ROBO2: variants seen among roughly 807,000 people sequenced by gnomAD.
The protein encoded by ROBO2 is roundabout guidance receptor 2.
A neutral mutation model predicts 160.8 loss-of-function variants in ROBO2; 53 were observed. The observed-to-expected ratio is 0.33, with a 90% CI of 0.26 to 0.41. The LOEUF is 0.41. Among genes scored for constraint, ROBO2 ranks in the 10% least tolerant of loss-of-function variants. ROBO2 has a pLI of 1.00. For synonymous variants in ROBO2, 664 were observed against 611.7 expected, an observed-to-expected ratio of 1.09 and a Z score of -1.26; for missense variants, 1,577 against 1,722.4, an observed-to-expected ratio of 0.92 and a Z score of 1.49.
intron 2 of ROBO2, among the ~76,000 whole-genome samples, chr3:76,390,695 C>T (rs954465197): frequency 1.7e-4 from 26 of 152,242 alleles, no homozygotes; most frequent in African/African-American, 5.8e-4. Flanking sequence ...AGGTCTGTCA[C>T]GGAAGTGTGG....
chr3:76,099,896 G>T (rs947575681), intron 2 of ROBO2, among the ~76,000 whole-genome samples: 3 of 152,126 alleles, frequency 2.0e-5, no homozygotes, highest in Non-Finnish European at 4.4e-5. Flanking sequence ...TTCTCCACTT[G>T]ATATATTGGC....
At chr3:76,622,216 AAGGAAGG>A (rs2089161997) in intron 2 of ROBO2, among the ~76,000 whole-genome samples, 7 of 46,082 alleles carry the variant, frequency 1.5e-4, no homozygotes, top group African/African-American at 4.9e-4. Flanking sequence ...GGAAGGAAGG[AAGGAAGG>A]AAGGAAGGAA....
At chr3:76,213,860 C>A (rs778175020) in intron 2 of ROBO2, among the ~76,000 whole-genome samples, 2 of 151,980 alleles carry the variant, frequency 1.3e-5, no homozygotes, top group Non-Finnish European at 2.9e-5. Context: ...CCTATGCCAC[C>A]TGAATTTATC....
chr3:76,161,926 T>C (rs2072655171), intron 2 of ROBO2, among the ~76,000 whole-genome samples: 2 of 152,170 alleles, frequency 1.3e-5, no homozygotes, highest in South Asian at 2.1e-4. Flanking sequence ...ACCTTTGAAA[T>C]TTTTTAGAAG....
At chr3:77,555,331 C>G (rs1441078083) in intron 8 of ROBO2, among the ~76,000 whole-genome samples, 4 of 151,872 alleles carry the variant, frequency 2.6e-5, no homozygotes, top group Non-Finnish European at 5.9e-5. Context: ...CTGAGATATG[C>G]CTGTATTCCG....
At chr3:75,931,725 G>C (rs994193341) in intron 1 of ROBO2, among the ~76,000 whole-genome samples, 1 of 152,018 alleles carries the variant, frequency 6.6e-6, no homozygotes, top group African/African-American at 2.4e-5. Flanking sequence ...ATATCTGTCT[G>C]ATGTTCCCCC....
intron 2 of ROBO2, among the ~76,000 whole-genome samples, chr3:76,734,218 G>A (rs1288327720): frequency 2.6e-5 from 4 of 152,020 alleles, no homozygotes; most frequent in Non-Finnish European, 5.9e-5. Context: ...CAAGATATAT[G>A]TTAATATTTG....
intron 2 of ROBO2, among the ~76,000 whole-genome samples, chr3:76,173,868 C>T (rs937396586): frequency 1.3e-5 from 2 of 152,008 alleles, no homozygotes; most frequent in Non-Finnish European, 2.9e-5. Context: ...TATTCCTTTG[C>T]GTATATACCC....
chr3:77,136,707 G>T (rs2076305932), intron 2 of ROBO2, among the ~76,000 whole-genome samples: 1 of 151,064 alleles, frequency 6.6e-6, no homozygotes. Flanking sequence ...CATGGTCTTG[G>T]CTCACTGCAA....
At chr3:76,167,107 A>AT (rs1336063621) in intron 2 of ROBO2, among the ~76,000 whole-genome samples, 1 of 151,836 alleles carries the variant, frequency 6.6e-6, no homozygotes, top group Non-Finnish European at 1.5e-5. Context: ...CGCCCGGTTA[A>AT]TTTTTTTATT....
rs367927055 is a variant in ROBO2, at chr3:76,928,984, G to C, written c.110-169030G>C. On this transcript the variant is annotated intron_variant, in intron 2 of 26. Transcript: ENST00000487694. ...TAGAAAACACCCCAACCTGGGCCGG[G>C]TGTGGTGGCTCACACTTGTAATCCC... 5.9e-5 allele frequency among the ~76,000 whole-genome samples: 9 copies of C among 152,186 alleles called. No homozygotes were observed. In the East Asian group the frequency reaches 1.5e-3, roughly 26 times the overall value.
intron 2 of ROBO2, among the ~76,000 whole-genome samples, chr3:76,769,097 T>C (rs982501404): frequency 2.0e-5 from 3 of 151,512 alleles, no homozygotes; most frequent in Non-Finnish European, 4.4e-5. Flanking sequence ...TGTAGACTGC[T>C]ACGTGGCAAC....
chr3:77,355,806 C>A (rs1190998177), intron 2 of ROBO2, among the ~76,000 whole-genome samples: 3 of 151,762 alleles, frequency 2.0e-5, no homozygotes, highest in African/African-American at 7.3e-5. Context: ...GTGAAGGACA[C>A]CATAATCAAA....
chr3:76,526,909 G>A (rs2081976706), intron 2 of ROBO2, among the ~76,000 whole-genome samples: 1 of 151,936 alleles, frequency 6.6e-6, no homozygotes, highest in African/African-American at 2.4e-5. Flanking sequence ...ATTTTGCAAT[G>A]GTCAGAAGCC....
chr3:76,314,006 G>C (rs2071789625), intron 2 of ROBO2, among the ~76,000 whole-genome samples: 1 of 152,118 alleles, frequency 6.6e-6, no homozygotes, highest in Admixed American at 6.6e-5. Context: ...ACGGGAAACT[G>C]ACTTGTCAGA....
intron 2 of ROBO2, among the ~76,000 whole-genome samples, chr3:76,132,483 T>C (rs2071268170): frequency 6.8e-6 from 1 of 148,132 alleles, no homozygotes; most frequent in African/African-American, 2.5e-5. Context: ...AATTAGGAAA[T>C]GACAGGAACA....
chr3:76,828,567 A>G, intron 2 of ROBO2, among the ~76,000 whole-genome samples: 1 of 152,168 alleles, frequency 6.6e-6, no homozygotes, highest in East Asian at 1.9e-4. Flanking sequence ...AGTGAAAGTT[A>G]CCAGCCATGC....
intron 2 of ROBO2, among the ~76,000 whole-genome samples, chr3:76,413,483 CT>C (rs1396271705): frequency 1.3e-5 from 2 of 152,304 alleles, no homozygotes; most frequent in East Asian, 3.9e-4. Context: ...CCCAAGTCAC[CT>C]CTTGAATGCT....
chr3:75,961,439 T>G (rs754424669), intron 2 of ROBO2, among the ~76,000 whole-genome samples: 1 of 151,686 alleles, frequency 6.6e-6, no homozygotes. Context: ...GACCTATAAT[T>G]GAGTCCGGTT....
Sources: gnomAD v4.1 joint callset for allele counts (sites outside exome capture counted in the v4.1 genomes callset) on GRCh38, gnomAD v4.1.1 for gene constraint, MANE v1.5 for transcripts, NCBI Gene and HGNC (gene_info 2026-07-23, HGNC 2026-07-21) for gene names.